Variants in CPQ observed in about 807,000 individuals in gnomAD.
CPQ encodes Ser-Met dipeptidase.
A neutral mutation model predicts 45.7 loss-of-function variants in CPQ; 37 were observed. The ratio of observed to expected loss-of-function variants is 0.81; its 90% confidence interval spans 0.62 to 1.07. The LOEUF is 1.07. Ranked by LOEUF, CPQ falls within the 50% of genes least tolerant of loss-of-function variation. CPQ has a pLI of 0.00. For synonymous variants in CPQ, 186 were observed against 205.8 expected, an observed-to-expected ratio of 0.90 and a Z score of 0.82; for missense variants, 537 against 572.9, an observed-to-expected ratio of 0.94 and a Z score of 0.64.
At chr8:96,784,838 A>T in intron 1 of CPQ, 26 bp from the exon 2 acceptor site, 1 of 1,493,804 alleles carries the variant, frequency 6.7e-7, no homozygotes, top group South Asian at 1.3e-5. Flanking sequence ...TTTTCCCCTA[A>T]AACATAATGT....
intron 1 of CPQ, among the ~76,000 whole-genome samples, chr8:96,729,451 T>A (rs1406697714): frequency 6.6e-6 from 1 of 152,196 alleles, no homozygotes; most frequent in Admixed American, 6.5e-5. Flanking sequence ...ATCTTCATTA[T>A]AAGAAGGACA....
At chr8:96,705,252 T>C (rs1041457297) in intron 1 of CPQ, among the ~76,000 whole-genome samples, 2 of 152,188 alleles carry the variant, frequency 1.3e-5, no homozygotes, top group African/African-American at 4.8e-5. Flanking sequence ...TCTTGTCTTT[T>C]TCTTCTATTG....
At chr8:96,860,176 T>G (rs1811907392) in intron 3 of CPQ, among the ~76,000 whole-genome samples, 1 of 152,154 alleles carries the variant, frequency 6.6e-6, no homozygotes, top group African/African-American at 2.4e-5. Context: ...CTCCTGTGGG[T>G]ACATTTAGTA....
At chr8:97,138,832 A>G (rs1586559414) in intron 7 of CPQ, among the ~76,000 whole-genome samples, 2 of 152,176 alleles carry the variant, frequency 1.3e-5, no homozygotes, top group East Asian at 1.9e-4. Flanking sequence ...TATGTAACCT[A>G]TAATTTCCAA....
At chr8:96,939,096 A>G (rs1011805906) in intron 4 of CPQ, among the ~76,000 whole-genome samples, 3 of 152,206 alleles carry the variant, frequency 2.0e-5, no homozygotes, top group Non-Finnish European at 4.4e-5. Context: ...TGTACCACCT[A>G]TGTGAGTTAT....
intron 7 of CPQ, among the ~76,000 whole-genome samples, chr8:97,068,555 C>G (rs1304823488): frequency 6.6e-6 from 1 of 152,154 alleles, no homozygotes. Context: ...ATTGCTTGAA[C>G]CCAGGAGGCG....
chr8:96,750,541 G>A (rs1810244276), intron 1 of CPQ, among the ~76,000 whole-genome samples: 1 of 150,874 alleles, frequency 6.6e-6, no homozygotes, highest in African/African-American at 2.4e-5. Flanking sequence ...ATCTTCCACT[G>A]GAACTGCATC....
chr8:96,857,061 G>T (rs1359057416), intron 3 of CPQ, among the ~76,000 whole-genome samples: 2 of 152,150 alleles, frequency 1.3e-5, no homozygotes, highest in East Asian at 3.9e-4. Context: ...GGTTGACAAT[G>T]CCTAGACCCA....
At chr8:96,744,609 C>T (rs1810150764) in intron 1 of CPQ, among the ~76,000 whole-genome samples, 2 of 152,182 alleles carry the variant, frequency 1.3e-5, no homozygotes, top group African/African-American at 4.8e-5. Flanking sequence ...TATTTTGTCT[C>T]ATACTAATAA....
intron 4 of CPQ, among the ~76,000 whole-genome samples, chr8:96,884,675 G>A (rs2130884803): frequency 6.6e-6 from 1 of 152,306 alleles, no homozygotes; most frequent in Admixed American, 6.5e-5. Context: ...ATGTCTGGTG[G>A]AGATTCAAGG....
At chr8:96,913,752 A>G (rs1396847949) in intron 4 of CPQ, among the ~76,000 whole-genome samples, 2 of 152,232 alleles carry the variant, frequency 1.3e-5, no homozygotes, top group East Asian at 3.9e-4. Flanking sequence ...ATCATTATTC[A>G]GTCTAAAGTC....
At chr8:96,846,107 G>A (rs577227217) in intron 3 of CPQ, among the ~76,000 whole-genome samples, 72 of 152,230 alleles carry the variant, frequency 4.7e-4, no homozygotes, top group African/African-American at 9.2e-4. Context: ...CATGAGCCAC[G>A]GCGCCCAGCC....
chr8:96,858,954 A>G (rs1282696462), intron 3 of CPQ, among the ~76,000 whole-genome samples: 1 of 152,134 alleles, frequency 6.6e-6, no homozygotes, highest in Admixed American at 6.5e-5. Context: ...TCAGCTGCCA[A>G]ATGATCAGTG....
At chr8:96,738,367 T>C (rs888100608) in intron 1 of CPQ, among the ~76,000 whole-genome samples, 5 of 152,184 alleles carry the variant, frequency 3.3e-5, no homozygotes, top group African/African-American at 1.2e-4. Flanking sequence ...TTTTGCCTTA[T>C]ACTTTGAAAT....
chr8:96,884,342 G>A lies in CPQ; in HGVS notation c.849+4337G>A, dbSNP rs115251727. On this transcript the variant is annotated intron_variant, in intron 4 of 7. Coordinates refer to ENST00000220763, the MANE Select transcript of CPQ (RefSeq NM_016134.4). ...ATTCAGGCCCTCACTATTTCCCCCC[G>A]ATTTTTTTTCTTCTGGTCTTTTCCA... Among the ~76,000 whole-genome samples, 314 of 151,978 alleles carry A rather than the reference G, an allele frequency of 2.1e-3. 2 individuals carry two copies. Among genetic ancestry groups the A allele is most frequent in the African/African-American group, 7.0e-3 (288 of 41,434 alleles).
At chr8:96,918,053 C>G (rs1812755151) in intron 4 of CPQ, among the ~76,000 whole-genome samples, 2 of 152,072 alleles carry the variant, frequency 1.3e-5, no homozygotes, top group African/African-American at 4.8e-5. Flanking sequence ...ATACTGTTCT[C>G]TTTAAAATTA....
At chr8:97,010,227 A>T (rs971064279) in intron 5 of CPQ, among the ~76,000 whole-genome samples, 1 of 152,150 alleles carries the variant, frequency 6.6e-6, no homozygotes, top group Non-Finnish European at 1.5e-5. Flanking sequence ...TATTTGTCCT[A>T]GGTTATTTTT....
In CPQ at chr8:96,824,491, CA is replaced by C. The variant is rs1225090155; in HGVS notation, c.434-10481del. Among the ~76,000 whole-genome samples, 6 of 151,978 alleles carry C rather than the reference CA, an allele frequency of 3.9e-5. No individual in the cohort carries two copies. In the East Asian group the frequency reaches 1.2e-3, roughly 29 times the overall value. On this transcript the variant is annotated intron_variant, in intron 2 of 7. Coordinates refer to ENST00000220763, the MANE Select transcript of CPQ (RefSeq NM_016134.4). ...ATTTATATTGAATCTATACACACATCATTTTTTTATTTAAATATTTGAAATC... is the reference window on the plus strand; with the variant it reads ...ATTTATATTGAATCTATACACACATCTTTTTTTATTTAAATATTTGAAATC...
intron 3 of CPQ, among the ~76,000 whole-genome samples, chr8:96,840,890 T>C (rs1267750524): frequency 6.6e-6 from 1 of 152,152 alleles, no homozygotes; most frequent in African/African-American, 2.4e-5. Context: ...ACAATAAGGA[T>C]TTGTGGTTTT....
Sources: gnomAD v4.1 joint callset for allele counts (sites outside exome capture counted in the v4.1 genomes callset) on GRCh38, gnomAD v4.1.1 for gene constraint, MANE v1.5 for transcripts, NCBI Gene and HGNC (gene_info 2026-07-23, HGNC 2026-07-21) for gene names.